Variants in VCAN observed in about 807,000 individuals in gnomAD.
The protein encoded by VCAN is versican core protein.
A neutral mutation model predicts 245.5 loss-of-function variants in VCAN; 44 were observed. That is an observed-to-expected ratio of 0.18 (90% CI 0.14 to 0.23). The LOEUF (loss-of-function observed/expected upper bound fraction) is 0.23, where lower values mean the gene tolerates loss of function less well. Ranked by LOEUF, VCAN falls within the 10% of genes least tolerant of loss-of-function variation. VCAN has a pLI of 1.00. For synonymous variants in VCAN, 1,413 were observed against 1,437.0 expected (o/e 0.98, Z 0.38); for missense variants, 3,793 against 4,057.9 (o/e 0.93, Z 1.77).
In VCAN at chr5:83,537,863, A is replaced by G; in HGVS notation, c.4860A>G (p.Val1620=). Residue 1620 remains valine (V), a synonymous_variant, in exon 8 of 15, where the codon GTA becomes GTG. Coordinates refer to ENST00000265077, the MANE Select transcript of VCAN (RefSeq NM_004385.5). ...DDLLSTKESW[V]EATPRQVVEL... is the part of the protein sequence containing the mutation. ...TGTTGTCTACCAAAGAAAGCTGGGT[A>G]GAAGCAACTCCTAGACAAGTTGTAG... The G allele has an allele frequency of 6.2e-7, 1 of 1,614,036 alleles. No individual in the cohort carries two copies. The highest frequency in any genetic ancestry group is 1.3e-5 in the African/African-American group (1 of 75,060).
intron 13 of VCAN, among the ~76,000 whole-genome samples, chr5:83,573,329 C>T (rs1202337495): frequency 6.6e-6 from 1 of 151,948 alleles, no homozygotes; most frequent in African/African-American, 2.4e-5. Flanking sequence ...CCATGTGGCC[C>T]ATATTCAGAT....
intron 10 of VCAN, among the ~76,000 whole-genome samples, chr5:83,552,285 TTTC>T (rs980263130): frequency 6.6e-6 from 1 of 152,192 alleles, no homozygotes; most frequent in African/African-American, 2.4e-5. Flanking sequence ...AGGGTTGTGT[TTTC>T]TTCTATTAAT....
In VCAN at chr5:83,537,850, A is replaced by G. The variant is rs1461954500; in HGVS notation, c.4847A>G (p.Lys1616Arg). 5 of 1,614,006 alleles carry G rather than the reference A, an allele frequency of 3.1e-6. No individual in the cohort carries two copies. Among genetic ancestry groups the G allele is most frequent in the Non-Finnish European group, 8.5e-7 (1 of 1,179,942 alleles). ...NPWPDDLLST[K>R]ESWVEATPRQ... ...TGGCCAGATGACCTGTTGTCTACCA[A>G]AGAAAGCTGGGTAGAAGCAACTCCT... Residue 1616 changes from lysine (K) to arginine (R), a missense_variant, in exon 8 of 15, where the codon AAA becomes AGA. Transcript: ENST00000265077.
intron 5 of VCAN, among the ~76,000 whole-genome samples, chr5:83,501,972 A>G (rs1745342125): frequency 1.3e-5 from 2 of 152,166 alleles, no homozygotes; most frequent in Admixed American, 1.3e-4. Context: ...TTATTCAACA[A>G]TATTTTGTTC....
At chr5:83,486,186 C>T (rs551966232) in intron 2 of VCAN, among the ~76,000 whole-genome samples, 1 of 152,222 alleles carries the variant, frequency 6.6e-6, no homozygotes, top group South Asian at 2.1e-4. Flanking sequence ...TCCCCTTGTC[C>T]CCTGTGCTGT....
chr5:83,520,870 C>T lies in VCAN; in HGVS notation c.2564C>T (p.Thr855Ile). The change falls in exon 7 of 15, where the codon ACT becomes ATT. Residue 855 changes from threonine (T) to isoleucine (I), a missense_variant. Thr to Ile is a moderately conservative substitution (Grantham distance 89, BLOSUM62 -1). Transcript: ENST00000265077. Reference protein sequence around the residue: ...SFTEDGADEFTLIPDSTQKQL... With the variant: ...SFTEDGADEFILIPDSTQKQL... ...ACTGAAGATGGAGCAGATGAATTTA[C>T]TCTTATTCCAGATAGTACTCAAAAG... 1 of 1,614,108 alleles carries T rather than the reference C, an allele frequency of 6.2e-7. No individual in the cohort carries two copies. Among genetic ancestry groups the T allele is most frequent in the Non-Finnish European group, 8.5e-7 (1 of 1,180,004 alleles).
chr5:83,571,696 A>G (rs949550934), intron 12 of VCAN, among the ~76,000 whole-genome samples: 9 of 152,174 alleles, frequency 5.9e-5, no homozygotes, highest in African/African-American at 2.2e-4. Flanking sequence ...TTTTATATCA[A>G]TATGCATAAA....
intron 1 of VCAN, among the ~76,000 whole-genome samples, chr5:83,481,893 T>C (rs1350663140): frequency 6.6e-5 from 10 of 152,236 alleles, no homozygotes; most frequent in Admixed American, 6.5e-4. Flanking sequence ...AAGATCAGTT[T>C]TGTAATTTAT....
In VCAN at chr5:83,580,931, TTGAC is replaced by T; in HGVS notation, c.*500_*503del. The T allele has an allele frequency of 5.0e-6, 1 of 200,066 alleles. No individual in the cohort carries two copies. Among genetic ancestry groups the T allele is most frequent in the East Asian group, 1.3e-4 (1 of 7,868 alleles). The allele number at this position is 200,066 out of a possible 1,614,324, so 12.4% of individuals were successfully genotyped here. Reference sequence around the variant, plus strand: ...GGCTGGAAATGGTTTCACTTGCTCTTTGACTGTCAGCAAGACTGAAGATGGCTTT... The same window carrying T: ...GGCTGGAAATGGTTTCACTTGCTCTTTGTCAGCAAGACTGAAGATGGCTTT... On this transcript the variant is annotated 3_prime_UTR_variant, in exon 15 of 15. Coordinates refer to ENST00000265077, the MANE Select transcript of VCAN (RefSeq NM_004385.5).
rs765255060 is a variant in VCAN at position 83,537,485 on chromosome 5, A to G, written c.4482A>G (p.Ser1494=). Residue 1494 remains serine, a synonymous_variant, in exon 8 of 15, where the codon TCA becomes TCG. Coordinates refer to ENST00000265077, the MANE Select transcript of VCAN (RefSeq NM_004385.5). ...ACCCTGAAACATCAGAACATTTTTC[A>G]GGTGGTGAGCCTGATGTTTTCCCCA... ...ETYPETSEHF[S]GGEPDVFPTV... 1 of 1,613,852 alleles carries G rather than the reference A, an allele frequency of 6.2e-7. No homozygotes were observed. Among genetic ancestry groups the G allele is most frequent in the African/African-American group, 1.3e-5 (1 of 74,908 alleles).
chr5:83,516,623 A>G (rs308359), intron 6 of VCAN, among the ~76,000 whole-genome samples: 39,212 of 152,194 alleles, frequency 0.26, 5,411 homozygotes, highest in East Asian at 0.4. Flanking sequence ...TTTGTGGGAA[A>G]AGAATCGTGT....
chr5:83,483,832 C>T (rs1008930688), intron 2 of VCAN, among the ~76,000 whole-genome samples: 1 of 152,138 alleles, frequency 6.6e-6, no homozygotes, highest in Non-Finnish European at 1.5e-5. Context: ...TGATTACTTT[C>T]AGGCTTTGCA....
intron 5 of VCAN, among the ~76,000 whole-genome samples, chr5:83,503,432 C>G (rs933483891): frequency 4.6e-5 from 7 of 152,148 alleles, no homozygotes; most frequent in African/African-American, 1.4e-4. Flanking sequence ...ACATTTATTA[C>G]TTATACACCA....
Position 83,520,850 on chromosome 5 carries a change from A to T in VCAN, c.2544A>T (p.Glu848Asp), listed in dbSNP as rs1307085629. The T allele has an allele frequency of 6.2e-7, 1 of 1,614,194 alleles. No individual in the cohort carries two copies. The highest frequency in any genetic ancestry group is 8.5e-7 in the Non-Finnish European group (1 of 1,180,018). Residue 848 changes from glutamate (E) to aspartate (D), a missense_variant, in exon 7 of 15, where the codon GAA (glutamate) becomes GAT (aspartate). Around this residue, in one of 5 missense-constraint regions of VCAN, gnomAD observed 3,182 missense variants for 3,250.3 expected, o/e 0.98. Coordinates refer to ENST00000265077, the MANE Select transcript of VCAN (RefSeq NM_004385.5). ...GKDKDIPSFTEDGADEFTLIP... is the reference protein window; with the variant it reads ...GKDKDIPSFTDDGADEFTLIP... ...ATAAAGACATCCCAAGTTTCACTGA[A>T]GATGGAGCAGATGAATTTACTCTTA...
intron 5 of VCAN, among the ~76,000 whole-genome samples, chr5:83,495,916 G>A (rs1029110077): frequency 1.2e-4 from 19 of 152,190 alleles, no homozygotes; most frequent in Non-Finnish European, 2.1e-4. Flanking sequence ...GAGACCCCCC[G>A]TGTGTTTGTT....
chr5:83,576,626 A>C (rs1007373759), intron 13 of VCAN, among the ~76,000 whole-genome samples: 1 of 152,094 alleles, frequency 6.6e-6, no homozygotes, highest in African/African-American at 2.4e-5. Flanking sequence ...TGTACCATAA[A>C]ATCTACTTTA....
At chr5:83,474,180 G>T (rs1434699949) in intron 1 of VCAN, among the ~76,000 whole-genome samples, 1 of 152,122 alleles carries the variant, frequency 6.6e-6, no homozygotes, top group Admixed American at 6.5e-5. Context: ...CAACTTCAGG[G>T]CGGGCGTCGG....
At chr5:83,525,058 T>TA (rs1477778890) in intron 7 of VCAN, among the ~76,000 whole-genome samples, 1 of 151,770 alleles carries the variant, frequency 6.6e-6, no homozygotes, top group African/African-American at 2.4e-5. Flanking sequence ...TTTTTTTTTT[T>TA]TTTTTACTAC....
At chr5:83,510,748 C>T (rs1234129636) in intron 5 of VCAN, among the ~76,000 whole-genome samples, 2 of 152,200 alleles carry the variant, frequency 1.3e-5, no homozygotes, top group Non-Finnish European at 2.9e-5. Flanking sequence ...TTCATTGTAA[C>T]ATGTTAAATG....
Sources: gnomAD v4.1 joint callset for allele counts (sites outside exome capture counted in the v4.1 genomes callset) on GRCh38, gnomAD v4.1.1 for gene constraint, gnomAD v4.1.1 regional missense constraint, MANE v1.5 for transcripts, NCBI Gene and HGNC (gene_info 2026-07-23, HGNC 2026-07-21) for gene names.